Variants in B4GALT5 observed in about 807,000 individuals in gnomAD.
B4GALT5 encodes the protein UDP-Gal:beta-GlcNAc beta-1,4-galactosyltransferase 5.
A neutral mutation model predicts 45.0 loss-of-function variants in B4GALT5; 11 were observed. The observed-to-expected ratio is 0.24, with a 90% CI of 0.15 to 0.40. The LOEUF is 0.40. Ranked by LOEUF, B4GALT5 falls within the 10% of genes least tolerant of loss-of-function variation. The pLI is 1.00. For missense variants in B4GALT5, 337 were observed against 500.2 expected (o/e 0.67, Z 3.11); for synonymous variants, 185 against 182.9 (o/e 1.01, Z -0.09).
chr20:49,654,887 G>A (rs1031586207), intron 2 of B4GALT5, among the ~76,000 whole-genome samples: 3 of 151,924 alleles, frequency 2.0e-5, no homozygotes, highest in African/African-American at 4.8e-5. Flanking sequence ...CAGGTGGATC[G>A]CTTAAGCTCA....
chr20:49,644,247 TTA>T (rs1339762305), intron 3 of B4GALT5, among the ~76,000 whole-genome samples: 1 of 151,930 alleles, frequency 6.6e-6, no homozygotes, highest in Admixed American at 6.6e-5. Flanking sequence ...TTTGTTTTGT[TTA>T]TTAATATGTT....
Position 49,633,588 on chromosome 20 carries a change from A to G in B4GALT5, c.*2724T>C, listed in dbSNP as rs945983650. 6.6e-6 allele frequency: 1 copy of G among 152,196 alleles called. No homozygotes were observed. The highest frequency in any genetic ancestry group is 2.4e-5 in the African/African-American group (1 of 41,434). The allele number at this position is 152,196 out of a possible 1,614,324, so 9.4% of individuals were successfully genotyped here. A position where few individuals can be genotyped will look rare whatever the true frequency, so the allele number is the denominator to read the frequency against. ...TCCAGAGATTCTACACTCATCAGAC[A>G]CAGACATGACCGCAAAGGTATCAAA... On this transcript the variant is annotated 3_prime_UTR_variant, in exon 9 of 9. Coordinates refer to ENST00000371711, the MANE Select transcript of B4GALT5 (RefSeq NM_004776.4).
chr20:49,636,456 A>G lies in B4GALT5; in HGVS notation c.1023T>C (p.Tyr341=), dbSNP rs1398402500. The G allele has an allele frequency of 2.5e-6, 4 of 1,614,102 alleles. No individual in the cohort carries two copies. The highest frequency in any genetic ancestry group is 1.7e-5 in the Admixed American group (1 of 60,030). ...GTTCTTTTGACTTCCTCAGCAGAGC[A>G]TACCTGTTTAGGGAGGGAACAGAGA... ...HRGEVQFLGR[Y]ALLRKSKERQ... is the part of the protein sequence containing the mutation. The change falls in exon 9 of 9, where the codon TAT becomes TAC. Residue 341 remains tyrosine (Y), a synonymous_variant. Transcript: ENST00000371711.
chr20:49,664,421 T>TACACACACACACACACACAC (rs55990435), intron 1 of B4GALT5, among the ~76,000 whole-genome samples: 1 of 128,822 alleles, frequency 7.8e-6, no homozygotes, highest in Non-Finnish European at 1.6e-5. Flanking sequence ...GGTCTCCAAA[T>TACACACACACACACACACAC]ACACACACAC....
intron 1 of B4GALT5, among the ~76,000 whole-genome samples, chr20:49,658,105 T>C (rs971645955): frequency 2.6e-5 from 4 of 152,198 alleles, no homozygotes; most frequent in Admixed American, 2.6e-4. Flanking sequence ...CTTGCATTGA[T>C]TGGGAGACAG....
intron 1 of B4GALT5, among the ~76,000 whole-genome samples, chr20:49,689,674 A>G (rs2085802048): frequency 6.6e-6 from 1 of 152,300 alleles, no homozygotes; most frequent in South Asian, 2.1e-4. Context: ...ACACTTCAAC[A>G]TGCATGTTAA....
At chr20:49,687,232 A>T (rs2085790006) in intron 1 of B4GALT5, among the ~76,000 whole-genome samples, 1 of 152,212 alleles carries the variant, frequency 6.6e-6, no homozygotes, top group South Asian at 2.1e-4. Flanking sequence ...AGGTTGAGAA[A>T]CTCTGCCTTA....
At chr20:49,701,938 G>A (rs1322212290) in intron 1 of B4GALT5, among the ~76,000 whole-genome samples, 9 of 152,100 alleles carry the variant, frequency 5.9e-5, no homozygotes, top group African/African-American at 9.7e-5. Flanking sequence ...GGTGGCATGC[G>A]CCTGTAACCC....
chr20:49,688,201 A>G (rs1404958348), intron 1 of B4GALT5, among the ~76,000 whole-genome samples: 1 of 152,220 alleles, frequency 6.6e-6, no homozygotes, highest in African/African-American at 2.4e-5. Flanking sequence ...TGAGTGTTTT[A>G]CCCTGAAGAC....
intron 1 of B4GALT5, among the ~76,000 whole-genome samples, chr20:49,683,895 C>T (rs1409563829): frequency 7.9e-5 from 12 of 151,924 alleles, no homozygotes; most frequent in African/African-American, 2.7e-4. Context: ...AATCCCAGCA[C>T]TTTGGGAGGC....
intron 1 of B4GALT5, among the ~76,000 whole-genome samples, chr20:49,678,924 A>C (rs548175296): frequency 2.0e-5 from 3 of 152,232 alleles, no homozygotes; most frequent in Middle Eastern, 3.4e-3. Flanking sequence ...GGGTTCCTGG[A>C]GCACAAAGCA....
chr20:49,695,415 ATTT>A (rs11297973), intron 1 of B4GALT5, among the ~76,000 whole-genome samples: 6 of 142,152 alleles, frequency 4.2e-5, no homozygotes, highest in Non-Finnish European at 1.5e-5. Flanking sequence ...GTTGTGGTTT[ATTT>A]TTTTTTTTTT....
intron 1 of B4GALT5, among the ~76,000 whole-genome samples, chr20:49,671,792 A>G (rs1331220042): frequency 2.0e-5 from 3 of 152,216 alleles, no homozygotes; most frequent in African/African-American, 7.2e-5. Context: ...TTCACACAGC[A>G]TCTACTTTAT....
At chr20:49,674,413 T>C (rs2146345795) in intron 1 of B4GALT5, among the ~76,000 whole-genome samples, 1 of 152,244 alleles carries the variant, frequency 6.6e-6, no homozygotes, top group South Asian at 2.1e-4. Context: ...GGTTTTTCTA[T>C]GCCCGTAAAG....
At chr20:49,652,793 T>C (rs1047700802) in intron 2 of B4GALT5, among the ~76,000 whole-genome samples, 4 of 152,228 alleles carry the variant, frequency 2.6e-5, no homozygotes, top group African/African-American at 7.2e-5. Context: ...CCTGGGCTTT[T>C]GAGCTATGCT....
intron 2 of B4GALT5, among the ~76,000 whole-genome samples, chr20:49,655,397 A>C (rs1238193273): frequency 6.6e-6 from 1 of 151,856 alleles, no homozygotes; most frequent in Non-Finnish European, 1.5e-5. Context: ...ACACCACTGC[A>C]CTCCAGCCTG....
At chr20:49,641,307 G>A (rs1009613732) in intron 5 of B4GALT5, among the ~76,000 whole-genome samples, 1 of 152,204 alleles carries the variant, frequency 6.6e-6, no homozygotes, top group Non-Finnish European at 1.5e-5. Context: ...CTTACCACTT[G>A]CTCTTCAGCA....
At chr20:49,667,703 G>T (rs1341492460) in intron 1 of B4GALT5, among the ~76,000 whole-genome samples, 1 of 152,052 alleles carries the variant, frequency 6.6e-6, no homozygotes, top group Non-Finnish European at 1.5e-5. Context: ...GAGCCACCCC[G>T]CATGGCCAAT....
Position 49,650,358 on chromosome 20 carries a change from A to G in B4GALT5, c.251-3280T>C, listed in dbSNP as rs1317682979. 4.6e-5 allele frequency among the ~76,000 whole-genome samples: 7 copies of G among 151,866 alleles called. No individual in the cohort carries two copies. The East Asian group carries it at 9.7e-4, about 21-fold the overall frequency. ...TTAAAAATTTTTAAATAAAACTTTA[A>G]TTAAAATAAAGTCTACTTGGAAGGC... is the stretch of plus-strand genomic sequence containing the variant. On this transcript the variant is annotated intron_variant, in intron 2 of 8. Coordinates refer to ENST00000371711, the MANE Select transcript of B4GALT5 (RefSeq NM_004776.4).
Sources: allele counts gnomAD v4.1 joint callset (sites outside exome capture counted in the v4.1 genomes callset), GRCh38; gene constraint gnomAD v4.1.1; transcripts MANE v1.5; gene names NCBI Gene and HGNC (gene_info 2026-07-23, HGNC 2026-07-21).